The following IQGAP1 variants were observed in gnomAD, a reference collection of about 807,000 sequenced individuals.
The protein encoded by IQGAP1 is IQ motif containing GTPase activating protein 1.
In IQGAP1, 66 loss-of-function variants were observed where a neutral mutation model predicts 215.6. The observed-to-expected ratio is 0.31, with a 90% CI of 0.25 to 0.38. The LOEUF (loss-of-function observed/expected upper bound fraction) is 0.38, where lower values mean the gene tolerates loss of function less well. Ranked by LOEUF, IQGAP1 falls within the 10% of genes least tolerant of loss-of-function variation. The probability of loss-of-function intolerance (pLI) is 1.00; values close to 1 mark genes in which losing one functional copy is unlikely to be tolerated. For synonymous variants in IQGAP1, 772 were observed against 728.7 expected, an observed-to-expected ratio of 1.06 and a Z score of -0.96; for missense variants, 1,712 against 1,997.1, an observed-to-expected ratio of 0.86 and a Z score of 2.72.
At position 90,473,893 on chromosome 15, in the gene IQGAP1, C is replaced by G; in HGVS notation, c.2434-3C>G. The G allele has an allele frequency of 6.2e-7, 1 of 1,613,818 alleles. No homozygotes were observed. The highest frequency in any genetic ancestry group is 8.5e-7 in the Non-Finnish European group (1 of 1,179,936). ...TCTAATTTCCAGGATCCCTTTTCCA[C>G]AGATTCAGTCCCTGGCAAGGATGCA... On this transcript the variant is annotated splice_polypyrimidine_tract_variant and splice_region_variant and intron_variant, in intron 20 of 37. Transcript: ENST00000268182.
At chr15:90,445,901 G>A (rs1223531073) in intron 9 of IQGAP1, among the ~76,000 whole-genome samples, 1 of 150,328 alleles carries the variant, frequency 6.7e-6, no homozygotes, top group Non-Finnish European at 1.5e-5. Context: ...GCACGATCTC[G>A]GCTCACTGCA....
intron 28 of IQGAP1, 161 bp from the exon 29 acceptor site, chr15:90,483,196 TGAGA>T (rs1966082583): frequency 1.0e-5 from 6 of 587,272 alleles, no homozygotes; most frequent in South Asian, 8.2e-5. Flanking sequence ...TTCCAGGCCA[TGAGA>T]GAGAGTGTGT....
At chr15:90,394,621 C>T (rs1033308707) in intron 2 of IQGAP1, among the ~76,000 whole-genome samples, 1 of 152,156 alleles carries the variant, frequency 6.6e-6, no homozygotes. Flanking sequence ...TCCCCTCTAG[C>T]GCTAGACCCA....
chr15:90,459,280 G>A (rs772244789), intron 15 of IQGAP1, among the ~76,000 whole-genome samples: 3 of 152,212 alleles, frequency 2.0e-5, no homozygotes, highest in Non-Finnish European at 4.4e-5. Flanking sequence ...GACAGCAACA[G>A]CATAAAAAGA....
chr15:90,473,966 A>G lies in IQGAP1; in HGVS notation c.2504A>G (p.His835Arg), dbSNP rs757987204. 3.7e-6 allele frequency: 6 copies of G among 1,613,922 alleles called. No homozygotes were observed. The Admixed American group carries it at 5.0e-5, about 13-fold the overall frequency. The change falls in exon 21 of 38, where the codon CAT becomes CGT. Residue 835 changes from histidine (H) to arginine (R), a missense_variant and splice_region_variant. Physicochemically the swap from His to Arg is conservative, Grantham distance 29. This residue lies in a region of IQGAP1 where 1,021 missense variants were observed against 1,074.2 expected (regional missense o/e 0.95). Coordinates refer to ENST00000268182, the MANE Select transcript of IQGAP1 (RefSeq NM_003870.4). ...GATCGCCTGCAGTACTTCCGGGACCATGTAAGCACCCTTGGATCATACAGG... is the reference window on the plus strand; with the variant it reads ...GATCGCCTGCAGTACTTCCGGGACCGTGTAAGCACCCTTGGATCATACAGG... The part of the protein sequence containing the change: ...YRDRLQYFRD[H>R]INDIIKIQAF...
At chr15:90,469,261 T>C (rs866609772) in intron 18 of IQGAP1, among the ~76,000 whole-genome samples, 108 of 152,362 alleles carry the variant, frequency 7.1e-4, no homozygotes, top group African/African-American at 2.5e-3. Flanking sequence ...TCAGGATTCC[T>C]AGAGAAAAAC....
At chr15:90,478,492 G>A (rs1040832373) in intron 26 of IQGAP1, among the ~76,000 whole-genome samples, 2 of 151,986 alleles carry the variant, frequency 1.3e-5, no homozygotes, top group Non-Finnish European at 2.9e-5. Context: ...ACACCAACCA[G>A]GTACATAAAA....
In IQGAP1 at chr15:90,388,313, T is replaced by G. The variant is rs774317220; in HGVS notation, c.-29T>G. The G allele has an allele frequency of 6.3e-6, 10 of 1,597,706 alleles. No individual in the cohort carries two copies. The highest frequency in any genetic ancestry group is 3.4e-5 in the Admixed American group (2 of 59,464). On this transcript the variant is annotated 5_prime_UTR_variant, in exon 1 of 38. Transcript: ENST00000268182. ...TCCGCGCCTCCAAGGTTTCACGGCT[T>G]CCTCAGCAGAGACTCGGGCTCGTCC...
Position 90,441,643 on chromosome 15 carries a change from T to C in IQGAP1, c.787T>C (p.Tyr263His), listed in dbSNP as rs748800809. Residue 263 changes from tyrosine (Y) to histidine (H), a missense_variant, in exon 8 of 38, where the codon TAC (tyrosine) becomes CAC (histidine). By Grantham distance (83) the Tyr-to-His change is moderately conservative. Around this residue, in one of 2 missense-constraint regions of IQGAP1, gnomAD observed 1,021 missense variants for 1,074.2 expected, o/e 0.95. Coordinates refer to ENST00000268182, the MANE Select transcript of IQGAP1 (RefSeq NM_003870.4). ...PLASTYQDIL[Y>H]QAKQDKMTNA... ...GGCATCCACTTACCAGGATATACTT[T>C]ACCAGGCTAAGCAGGACAAAATGAC... 9 of 1,613,704 alleles carry C rather than the reference T, an allele frequency of 5.6e-6. No homozygotes were observed. Among genetic ancestry groups the C allele is most frequent in the Non-Finnish European group, 8.5e-7 (1 of 1,179,746 alleles).
intron 28 of IQGAP1, 116 bp from the exon 29 acceptor site, chr15:90,483,245 T>C (rs8040585): frequency 0.35 from 242,007 of 686,550 alleles, 45,599 homozygotes; most frequent in African/African-American, 0.64. Flanking sequence ...ATGTATTTTT[T>C]ATTTATTTTT....
intron 2 of IQGAP1, chr15:90,393,667 A>T (rs575493350): frequency 2.0e-5 from 3 of 151,968 alleles, no homozygotes; most frequent in African/African-American, 7.3e-5. Context: ...ACTTCATCCT[A>T]TTTCTTCATC....
At chr15:90,401,948 C>G (rs896264762) in intron 2 of IQGAP1, among the ~76,000 whole-genome samples, 2 of 152,070 alleles carry the variant, frequency 1.3e-5, no homozygotes, top group African/African-American at 4.8e-5. Context: ...ACACTTTTCC[C>G]AAGGTCATAT....
intron 2 of IQGAP1, among the ~76,000 whole-genome samples, chr15:90,399,208 C>T (rs922041142): frequency 2.0e-5 from 3 of 151,780 alleles, no homozygotes; most frequent in African/African-American, 7.3e-5. Flanking sequence ...GGCTATCCTT[C>T]GCTAAAGTGC....
chr15:90,445,763 C>T (rs2151021132), intron 9 of IQGAP1, among the ~76,000 whole-genome samples: 1 of 151,832 alleles, frequency 6.6e-6, no homozygotes, highest in East Asian at 1.9e-4. Context: ...TGAACTAATA[C>T]TAATAACTAG....
In IQGAP1 at chr15:90,492,763, AAGC is replaced by A. The variant is rs564782506; in HGVS notation, c.4628+55_4628+57del. 2.4e-5 allele frequency: 35 copies of A among 1,470,748 alleles called. No homozygotes were observed. The Admixed American group carries it at 7.1e-4, about 30-fold the overall frequency. The allele number at this position is 1,470,748 out of a possible 1,614,324, so 91.1% of individuals were successfully genotyped here. A position where few individuals can be genotyped will look rare whatever the true frequency, so the allele number is the denominator to read the frequency against. On this transcript the variant is annotated intron_variant, in intron 35 of 37. Coordinates refer to ENST00000268182, the MANE Select transcript of IQGAP1 (RefSeq NM_003870.4). ...CAATGTCAGAATTAGAGTGAGGAAA[AAGC>A]AGAGGCAACTGAAATGACACTGGAA...
intron 8 of IQGAP1, among the ~76,000 whole-genome samples, chr15:90,443,164 T>C (rs1189497896): frequency 6.6e-6 from 1 of 152,180 alleles, no homozygotes; most frequent in African/African-American, 2.4e-5. Context: ...TCTCGCTATG[T>C]TGCCCAGGCT....
Position 90,454,466 on chromosome 15 carries a change from A to G in IQGAP1, c.1526A>G (p.His509Arg). ...TTGATGAAACTGAAGGCTCAGGCAC[A>G]TGCAGAGAATAATGAATTCATTACA... ...DELMKLKAQA[H>R]AENNEFITWN... The change falls in exon 14 of 38, where the codon CAT (histidine) becomes CGT (arginine). Residue 509 changes from histidine (H) to arginine (R), a missense_variant. Physicochemically the swap from His to Arg is conservative, Grantham distance 29. Transcript: ENST00000268182. 2 of 1,613,108 alleles carry G rather than the reference A, an allele frequency of 1.2e-6. No homozygotes were observed. Among genetic ancestry groups the G allele is most frequent in the Middle Eastern group, 3.3e-4 (2 of 6,052 alleles).
rs1260619519 is a variant in IQGAP1, at chr15:90,434,440, A to T, written c.467+645A>T. Among the ~76,000 whole-genome samples, 6 of 152,044 alleles carry T rather than the reference A, an allele frequency of 3.9e-5. 1 individual carries two copies. The highest frequency in any genetic ancestry group is 1.4e-4 in the African/African-American group (6 of 41,406). The stretch of plus-strand genomic sequence containing the variant: ...GCAACAAGAACGAAACTCCATCTAA[A>T]AAAAAATAATAATAATCATAATAAT... On this transcript the variant is annotated intron_variant, in intron 5 of 37. Coordinates refer to ENST00000268182, the MANE Select transcript of IQGAP1 (RefSeq NM_003870.4).
chr15:90,408,429 TC>T (rs1964910676), intron 2 of IQGAP1, among the ~76,000 whole-genome samples: 2 of 152,146 alleles, frequency 1.3e-5, no homozygotes, highest in Admixed American at 1.3e-4. Context: ...TCTAATTTAT[TC>T]AAAGATAAAT....
Sources: allele counts gnomAD v4.1 joint callset (sites outside exome capture counted in the v4.1 genomes callset), GRCh38; gene constraint gnomAD v4.1.1; regional missense constraint gnomAD v4.1.1; transcripts MANE v1.5; gene names NCBI Gene and HGNC (gene_info 2026-07-23, HGNC 2026-07-21).